The following GRIK2 variants were observed in gnomAD, a reference collection of about 807,000 sequenced individuals.
GRIK2 encodes glutamate receptor ionotropic, kainate 2.
In GRIK2, 32 loss-of-function variants were observed where a neutral mutation model predicts 100.3. That is an observed-to-expected ratio of 0.32 (90% CI 0.24 to 0.43). The LOEUF (loss-of-function observed/expected upper bound fraction) is 0.43. Ranked by LOEUF, GRIK2 falls within the 20% of genes least tolerant of loss-of-function variation. The probability of loss-of-function intolerance (pLI) is 1.00; values close to 1 mark genes in which losing one functional copy is unlikely to be tolerated. For missense variants in GRIK2, 843 were observed against 1,114.9 expected, an observed-to-expected ratio of 0.76 and a Z score of 3.47; for synonymous variants, 417 against 389.4, an observed-to-expected ratio of 1.07 and a Z score of -0.83.
At chr6:101,887,573 T>C (rs920654264) in intron 11 of GRIK2, among the ~76,000 whole-genome samples, 3 of 152,102 alleles carry the variant, frequency 2.0e-5, no homozygotes, top group Non-Finnish European at 4.4e-5. Context: ...AAGAACTACC[T>C]GAGACTGGGT....
At chr6:101,440,774 A>T (rs1374163733) in intron 2 of GRIK2, among the ~76,000 whole-genome samples, 3 of 152,184 alleles carry the variant, frequency 2.0e-5, no homozygotes, top group Admixed American at 2.0e-4. Flanking sequence ...AAAGCAGCTC[A>T]AAGTTTGTAA....
At chr6:101,720,299 A>G (rs2128364830) in intron 7 of GRIK2, among the ~76,000 whole-genome samples, 2 of 152,162 alleles carry the variant, frequency 1.3e-5, no homozygotes, top group Middle Eastern at 6.8e-3. Flanking sequence ...ATATACTTTT[A>G]CCATTTAAAA....
chr6:101,977,337 T>C (rs1041070258), intron 14 of GRIK2, among the ~76,000 whole-genome samples: 2 of 151,622 alleles, frequency 1.3e-5, no homozygotes, highest in East Asian at 2.0e-4. Context: ...CCAAGATTTA[T>C]TGGGAACTAT....
chr6:101,415,919 T>C (rs1776119695), intron 2 of GRIK2, among the ~76,000 whole-genome samples: 1 of 152,154 alleles, frequency 6.6e-6, no homozygotes, highest in Non-Finnish European at 1.5e-5. Context: ...TTAAAATAGA[T>C]AAAATAGATA....
intron 12 of GRIK2, among the ~76,000 whole-genome samples, chr6:101,891,410 G>C (rs1028789139): frequency 6.6e-6 from 1 of 151,378 alleles, no homozygotes; most frequent in African/African-American, 2.4e-5. Flanking sequence ...CCAGATACTT[G>C]GGAGGCTGAG....
chr6:101,700,461 A>G (rs138940113), intron 7 of GRIK2, among the ~76,000 whole-genome samples: 3 of 152,202 alleles, frequency 2.0e-5, no homozygotes, highest in African/African-American at 7.2e-5. Context: ...GCCATTAAAG[A>G]TGTTAGAACA....
chr6:102,065,791 C>T, intron 16 of GRIK2: 1 of 1,507,474 alleles, frequency 6.6e-7, no homozygotes, highest in Non-Finnish European at 9.0e-7. Flanking sequence ...TTAAATGTTT[C>T]AACAGAGAGC....
chr6:101,677,692 C>G (rs190030274), intron 5 of GRIK2, among the ~76,000 whole-genome samples: 4 of 152,148 alleles, frequency 2.6e-5, no homozygotes, highest in African/African-American at 9.6e-5. Flanking sequence ...TGAGCTGACA[C>G]CTTTGTAGCT....
At chr6:101,651,100 C>A (rs1017461065) in intron 4 of GRIK2, among the ~76,000 whole-genome samples, 1 of 144,448 alleles carries the variant, frequency 6.9e-6, no homozygotes, top group Non-Finnish European at 1.5e-5. Flanking sequence ...TAAAATGTTT[C>A]ACTCTCATCT....
At chr6:101,440,864 A>G (rs1582457116) in intron 2 of GRIK2, among the ~76,000 whole-genome samples, 1 of 150,136 alleles carries the variant, frequency 6.7e-6, no homozygotes, top group Non-Finnish European at 1.5e-5. Flanking sequence ...TCCTTGTCAG[A>G]TTCTACGAGA....
intron 14 of GRIK2, among the ~76,000 whole-genome samples, chr6:102,000,022 T>C (rs923182067): frequency 2.9e-4 from 44 of 152,072 alleles, no homozygotes; most frequent in African/African-American, 1.0e-3. Context: ...ATTGGTCTTT[T>C]TTTTGTATAG....
chr6:101,850,542 T>C (rs1784074429), intron 10 of GRIK2, among the ~76,000 whole-genome samples: 1 of 152,060 alleles, frequency 6.6e-6, no homozygotes, highest in Non-Finnish European at 1.5e-5. Context: ...ACATGAGTTA[T>C]ATGCTTTAAA....
At chr6:101,882,235 A>T (rs1263031507) in intron 11 of GRIK2, among the ~76,000 whole-genome samples, 1 of 152,114 alleles carries the variant, frequency 6.6e-6, no homozygotes, top group Non-Finnish European at 1.5e-5. Context: ...CAGCCAAACC[A>T]TATCAACATT....
chr6:102,010,406 C>G (rs1212267592), intron 14 of GRIK2, among the ~76,000 whole-genome samples: 1 of 149,500 alleles, frequency 6.7e-6, no homozygotes, highest in African/African-American at 2.5e-5. Context: ...TCTTTTGAGA[C>G]AGAGTCTCAC....
rs554281272 is a variant in GRIK2, at chr6:101,715,319, T to C, written c.951+28966T>C. ...TCAGGATGCTAAGTGCTTACCTAGA[T>C]ACAGGACATGATAGGGACAGATCCC... On this transcript the variant is annotated intron_variant, in intron 7 of 16. Coordinates refer to ENST00000369134, the MANE Select transcript of GRIK2 (RefSeq NM_021956.5). Among the ~76,000 whole-genome samples the C allele has an allele frequency of 2.0e-5, 3 of 151,834 alleles. No homozygotes were observed. In the East Asian group the frequency reaches 5.9e-4, roughly 30 times the overall value.
intron 10 of GRIK2, among the ~76,000 whole-genome samples, chr6:101,858,352 C>A (rs183257258): frequency 2.0e-4 from 29 of 148,044 alleles, no homozygotes; most frequent in Admixed American, 1.9e-3. Context: ...TGATAAAGAT[C>A]ACTTTCTTCC....
intron 2 of GRIK2, among the ~76,000 whole-genome samples, chr6:101,549,339 G>A (rs923188255): frequency 6.6e-6 from 1 of 151,862 alleles, no homozygotes; most frequent in African/African-American, 2.4e-5. Flanking sequence ...CTGGTAGGGT[G>A]GGAGGAGAAG....
intron 4 of GRIK2, among the ~76,000 whole-genome samples, chr6:101,628,336 T>C (rs922912302): frequency 2.0e-5 from 3 of 152,070 alleles, no homozygotes; most frequent in Admixed American, 1.3e-4. Flanking sequence ...TGCATCTAGA[T>C]ACAAATTAGA....
Position 101,973,868 on chromosome 6 carries a change from G to C in GRIK2, c.2085+45236G>C, listed in dbSNP as rs528072509. On this transcript the variant is annotated intron_variant, in intron 14 of 16. Coordinates refer to ENST00000369134, the MANE Select transcript of GRIK2 (RefSeq NM_021956.5). ...ACATCTGATTGCAGTGAATCACAATGCACAATAACATATCTAAGGCTCTGG... is the reference window on the plus strand; with the variant it reads ...ACATCTGATTGCAGTGAATCACAATCCACAATAACATATCTAAGGCTCTGG... Among the ~76,000 whole-genome samples the C allele has an allele frequency of 4.6e-5, 7 of 151,986 alleles. No individual in the cohort carries two copies. In the South Asian group the frequency reaches 1.5e-3, roughly 32 times the overall value.
Sources: allele counts gnomAD v4.1 joint callset (sites outside exome capture counted in the v4.1 genomes callset), GRCh38; gene constraint gnomAD v4.1.1; transcripts MANE v1.5; gene names NCBI Gene and HGNC (gene_info 2026-07-23, HGNC 2026-07-21).